SPAG6: variants seen among roughly 807,000 people sequenced by gnomAD.
The protein encoded by SPAG6 is sperm associated antigen 6.
Under a neutral mutation model 58.5 loss-of-function variants are expected in SPAG6, and 49 were observed. The ratio of observed to expected loss-of-function variants is 0.84; its 90% CI spans 0.67 to 1.06. The LOEUF is 1.06. SPAG6 is among the 50% of genes least tolerant of loss of function. SPAG6 has a pLI of 0.00. For synonymous variants in SPAG6, 233 were observed against 225.6 expected (o/e 1.03, Z -0.29); for missense variants, 560 against 611.3 (o/e 0.92, Z 0.89).
chr10:22,376,959 C>T (rs1481007134), intron 4 of SPAG6, among the ~76,000 whole-genome samples: 1 of 151,660 alleles, frequency 6.6e-6, no homozygotes, highest in Non-Finnish European at 1.5e-5. Context: ...TGTACAGCTA[C>T]TTGGGAGGAT....
At chr10:22,361,214 A>C in intron 2 of SPAG6, 1 of 190,998 alleles carries the variant, frequency 5.2e-6, no homozygotes, top group South Asian at 1.6e-4. Context: ...TTTTTTCAAA[A>C]TTCTCTTTGT....
intron 4 of SPAG6, among the ~76,000 whole-genome samples, chr10:22,379,193 T>C (rs1833894302): frequency 6.6e-6 from 1 of 152,224 alleles, no homozygotes; most frequent in Non-Finnish European, 1.5e-5. Context: ...ATTGGAGATG[T>C]CAATCTCTCA....
intron 2 of SPAG6, among the ~76,000 whole-genome samples, chr10:22,354,609 T>A (rs1836815899): frequency 6.6e-6 from 1 of 152,248 alleles, no homozygotes; most frequent in African/African-American, 2.4e-5. Flanking sequence ...TAAGTTCCAA[T>A]CATTTTATCT....
chr10:22,413,972 C>G lies in SPAG6; in HGVS notation c.1461-2647C>G, dbSNP rs191135133. 3.9e-5 allele frequency among the ~76,000 whole-genome samples: 6 copies of G among 152,096 alleles called. No homozygotes were observed. In the East Asian group the frequency reaches 9.7e-4, roughly 24 times the overall value. ...TAACCTAAATATTTATTTCATACTG[C>G]CTTCCGATTTAGTAATCTTTAAATT... On this transcript the variant is annotated intron_variant, in intron 10 of 10. Coordinates refer to ENST00000376624, the MANE Select transcript of SPAG6 (RefSeq NM_012443.4).
In SPAG6 at chr10:22,391,756, T is replaced by C; in HGVS notation, c.1033T>C (p.Ser345Pro). 6.2e-7 allele frequency: 1 copy of C among 1,613,436 alleles called. No homozygotes were observed. Among genetic ancestry groups the C allele is most frequent in the Admixed American group, 1.7e-5 (1 of 59,888 alleles). The change falls in exon 8 of 11, where the codon TCA becomes CCA. Residue 345 changes from serine (S) to proline (P), a missense_variant. Physicochemically the swap from Ser to Pro is moderately conservative, Grantham distance 74. Transcript: ENST00000376624. ...KGVPQLSVCL[S>P]EEPEDHIKAA... ...TGTACCCCAGTTGTCAGTCTGCTTGTCAGAAGAACCGGAAGATCATATTAA... is the reference window on the plus strand; with the variant it reads ...TGTACCCCAGTTGTCAGTCTGCTTGCCAGAAGAACCGGAAGATCATATTAA...
chr10:22,413,405 C>T (rs1380624297), intron 10 of SPAG6, among the ~76,000 whole-genome samples: 2 of 151,734 alleles, frequency 1.3e-5, no homozygotes, highest in African/African-American at 4.8e-5. Context: ...TGGTGGCGGG[C>T]GCCTGTAGTC....
At chr10:22,359,179 T>C (rs1836959698) in intron 2 of SPAG6, among the ~76,000 whole-genome samples, 1 of 152,178 alleles carries the variant, frequency 6.6e-6, no homozygotes, top group African/African-American at 2.4e-5. Flanking sequence ...CAGATGGTAA[T>C]ATTGACAGTG....
At chr10:22,364,083 T>G (rs181460670) in intron 2 of SPAG6, among the ~76,000 whole-genome samples, 113 of 152,334 alleles carry the variant, frequency 7.4e-4, no homozygotes, top group African/African-American at 2.6e-3. Flanking sequence ...CTCCTCAGTT[T>G]TCAATATGTA....
chr10:22,361,096 A>G, intron 2 of SPAG6: 1 of 402,570 alleles, frequency 2.5e-6, no homozygotes, highest in Non-Finnish European at 4.4e-6. Context: ...TAAGGACTAG[A>G]AATTTGGGGT....
At position 22,391,887 on chromosome 10, in the gene SPAG6, G is replaced by C. The variant is rs1482241973; in HGVS notation, c.1164G>C (p.Met388Ile). Residue 388 changes from methionine (M) to isoleucine (I), a missense_variant, in exon 8 of 11, where the codon ATG (methionine) becomes ATC (isoleucine). Coordinates refer to ENST00000376624, the MANE Select transcript of SPAG6 (RefSeq NM_012443.4). ...TGCCAGTTCTGCTTTCTTTGTACAT[G>C]TCAACAGAAAGTTCTGAGGATCTCC... ...NTLPVLLSLYMSTESSEDLQV... is the reference protein window; with the variant it reads ...NTLPVLLSLYISTESSEDLQV... 3.7e-6 allele frequency: 6 copies of C among 1,613,032 alleles called. No individual in the cohort carries two copies. The African/African-American group carries it at 4.0e-5, about 11-fold the overall frequency.
At position 22,386,941 on chromosome 10, in the gene SPAG6, C is replaced by A. The variant is rs745646218; in HGVS notation, c.660C>A (p.Asn220Lys). ...CTCATTTAGCCCAGATGATCCTGAA[C>A]CCTGATGCTAAATTGAAGGTATTTC... ...AVAHLAQMIL[N>K]PDAKLKHQIL... The change falls in exon 5 of 11, where the codon AAC becomes AAA. Residue 220 changes from asparagine to lysine, a missense_variant. Transcript: ENST00000376624. 2 of 1,613,088 alleles carry A rather than the reference C, an allele frequency of 1.2e-6. No individual in the cohort carries two copies. Among genetic ancestry groups the A allele is most frequent in the Admixed American group, 1.7e-5 (1 of 59,958 alleles).
At chr10:22,393,510 A>G (rs1014730945) in intron 8 of SPAG6, among the ~76,000 whole-genome samples, 9 of 152,164 alleles carry the variant, frequency 5.9e-5, no homozygotes, top group African/African-American at 2.2e-4. Context: ...AAATTTGAAA[A>G]CTTCACTTTT....
At chr10:22,355,507 T>C (rs1836841493) in intron 2 of SPAG6, among the ~76,000 whole-genome samples, 1 of 152,122 alleles carries the variant, frequency 6.6e-6, no homozygotes, top group Admixed American at 6.5e-5. Context: ...AGAATAAATT[T>C]CAAAGGAGAA....
intron 2 of SPAG6, chr10:22,360,899 C>T (rs2132042826): frequency 9.2e-7 from 1 of 1,088,920 alleles, no homozygotes; most frequent in South Asian, 1.3e-5. Context: ...TTCCTTCCTT[C>T]CTTCCTTCCT....
chr10:22,388,143 GGT>G, intron 6 of SPAG6, 147 bp downstream of exon 6: 1 of 649,356 alleles, frequency 1.5e-6, no homozygotes, highest in East Asian at 2.8e-5. Flanking sequence ...TTTTGGACTG[GGT>G]AGTTCTTTGT....
chr10:22,357,546 G>A (rs1836902163), intron 2 of SPAG6, among the ~76,000 whole-genome samples: 1 of 152,066 alleles, frequency 6.6e-6, no homozygotes, highest in African/African-American at 2.4e-5. Flanking sequence ...TTATGTGGAT[G>A]AAAATATAGT....
At chr10:22,373,495 T>A (rs953999041) in intron 4 of SPAG6, among the ~76,000 whole-genome samples, 2 of 152,168 alleles carry the variant, frequency 1.3e-5, no homozygotes, top group Non-Finnish European at 2.9e-5. Context: ...AAATATAGTC[T>A]TAGCAATTTT....
rs532773054 is a variant in SPAG6, at chr10:22,361,229, C to G, written c.122-3624C>G. 3.4e-5 allele frequency: 6 copies of G among 177,566 alleles called. No homozygotes were observed. The East Asian group carries it at 7.5e-4, about 22-fold the overall frequency. The allele number at this position is 177,566 out of a possible 1,614,324, so 11.0% of individuals were successfully genotyped here. A position where few individuals can be genotyped will look rare whatever the true frequency, so the allele number is the denominator to read the frequency against. ...TTTTTTCAAAATTCTCTTTGTGCTACTGTCTAAACTAAACAATATAGGAAA... is the reference window on the plus strand; with the variant it reads ...TTTTTTCAAAATTCTCTTTGTGCTAGTGTCTAAACTAAACAATATAGGAAA... On this transcript the variant is annotated intron_variant, in intron 2 of 10. Coordinates refer to ENST00000376624, the MANE Select transcript of SPAG6 (RefSeq NM_012443.4).
Position 22,345,646 on chromosome 10 carries a change from A to C in SPAG6, c.25+10A>C. The C allele has an allele frequency of 6.4e-7, 1 of 1,550,984 alleles. No individual in the cohort carries two copies. The highest frequency in any genetic ancestry group is 8.7e-7 in the Non-Finnish European group (1 of 1,149,030). ...AGGCAGGTGCTGCAAGGTAGGGCCG[A>C]GGCGGGCAGGTGCCCTAACTAGCTG... is the stretch of plus-strand genomic sequence containing the variant. On this transcript the variant is annotated intron_variant, in intron 1 of 10. Coordinates refer to ENST00000376624, the MANE Select transcript of SPAG6 (RefSeq NM_012443.4). The surrounding 1 kb of genome is among the most constrained non-coding windows in gnomAD (Gnocchi z 6.3).
Sources: allele counts gnomAD v4.1 joint callset (sites outside exome capture counted in the v4.1 genomes callset), GRCh38; gene constraint gnomAD v4.1.1; non-coding constraint Gnocchi (gnomAD v3.1); transcripts MANE v1.5; gene names NCBI Gene and HGNC (gene_info 2026-07-23, HGNC 2026-07-21).